Variants in NMRK1 observed in about 807,000 individuals in gnomAD.
The protein encoded by NMRK1 is NRK 1.
A neutral mutation model predicts 29.9 loss-of-function variants in NMRK1; 28 were observed. That is an observed-to-expected ratio of 0.94 (90% CI 0.69 to 1.28). The LOEUF (loss-of-function observed/expected upper bound fraction) is 1.28. NMRK1 is among the 50% of genes most tolerant of loss of function. The probability of loss-of-function intolerance (pLI) is 0.00; values close to 1 mark genes in which losing one functional copy is unlikely to be tolerated. For synonymous variants in NMRK1, 58 were observed against 73.0 expected, an observed-to-expected ratio of 0.79 and a Z score of 1.05; for missense variants, 218 against 233.1, an observed-to-expected ratio of 0.94 and a Z score of 0.42.
At chr9:75,068,195 T>C (rs1035497992) in intron 7 of NMRK1, among the ~76,000 whole-genome samples, 1 of 152,102 alleles carries the variant, frequency 6.6e-6, no homozygotes, top group African/African-American at 2.4e-5. Flanking sequence ...GCGTCCAACA[T>C]CACACCCTAT....
chr9:75,081,933 TGAA>T (rs1347124845), intron 2 of NMRK1, among the ~76,000 whole-genome samples: 1 of 152,154 alleles, frequency 6.6e-6, no homozygotes, highest in Non-Finnish European at 1.5e-5. Context: ...TGAACCCAAA[TGAA>T]AGACACATAA....
intron 2 of NMRK1, among the ~76,000 whole-genome samples, chr9:75,081,025 C>G (rs1222785764): frequency 6.6e-6 from 1 of 152,182 alleles, no homozygotes; most frequent in African/African-American, 2.4e-5. Flanking sequence ...GACAAATGGA[C>G]TAACACACCC....
chr9:75,070,187 G>T (rs929515848), intron 4 of NMRK1, 145 bp from the exon 5 acceptor site: 2 of 601,118 alleles, frequency 3.3e-6, no homozygotes, highest in Admixed American at 3.5e-5. Context: ...AAATAATTTA[G>T]ATAACATGTG....
Position 75,069,818 on chromosome 9 carries a change from A to T in NMRK1, c.318-5T>A. On this transcript the variant is annotated splice_polypyrimidine_tract_variant and splice_region_variant and intron_variant, in intron 5 of 8. Transcript: ENST00000361092. ...TTCCATATAGTGTCAAGGGGCCTAA[A>T]ATAACAGCATACTTAGTTCACAAGG... The T allele has an allele frequency of 6.2e-7, 1 of 1,612,722 alleles. No homozygotes were observed. Among genetic ancestry groups the T allele is most frequent in the Non-Finnish European group, 8.5e-7 (1 of 1,179,394 alleles).
intron 8 of NMRK1, among the ~76,000 whole-genome samples, chr9:75,063,614 C>T (rs1823167715): frequency 6.6e-6 from 1 of 152,014 alleles, no homozygotes; most frequent in African/African-American, 2.4e-5. Flanking sequence ...TTTCTTGTTT[C>T]CCCTTCATTA....
intron 2 of NMRK1, among the ~76,000 whole-genome samples, chr9:75,079,476 C>T (rs751043738): frequency 5.3e-5 from 8 of 152,164 alleles, no homozygotes; most frequent in Admixed American, 1.3e-4. Context: ...GTTAAGATCA[C>T]GCAGTCAAAC....
rs767630339 is a variant in NMRK1 at position 75,066,078 on chromosome 9, G to T, written c.580+679C>A. On this transcript the variant is annotated intron_variant, in intron 8 of 8. Coordinates refer to ENST00000361092, the MANE Select transcript of NMRK1 (RefSeq NM_017881.3). ...GTTCCTTAACCCATTAATGTTGGAG[G>T]TTGCAAATTATTTTTGTGAAAAACG... 7.9e-5 allele frequency among the ~76,000 whole-genome samples: 12 copies of T among 152,244 alleles called. No homozygotes were observed. The South Asian group carries it at 1.4e-3, about 18-fold the overall frequency.
chr9:75,061,884 C>T (rs772714380), intron 8 of NMRK1, among the ~76,000 whole-genome samples: 1 of 152,120 alleles, frequency 6.6e-6, no homozygotes, highest in Admixed American at 6.6e-5. Context: ...GCAGTATAAT[C>T]CTTGTTTTGG....
chr9:75,061,325 A>G lies in NMRK1; in HGVS notation c.*223T>C. The G allele has an allele frequency of 2.0e-6, 1 of 504,326 alleles. No individual in the cohort carries two copies. Among genetic ancestry groups the G allele is most frequent in the Non-Finnish European group, 3.5e-6 (1 of 286,304 alleles). The allele number at this position is 504,326 out of a possible 1,614,324, so 31.2% of individuals were successfully genotyped here. On this transcript the variant is annotated 3_prime_UTR_variant, in exon 9 of 9. Coordinates refer to ENST00000361092, the MANE Select transcript of NMRK1 (RefSeq NM_017881.3). ...ACTCACTGTGAGCTCTGCTGTATCT[A>G]TGCGCTCCCTGGAGAGGGAGCAACT...
At chr9:75,070,968 T>G (rs1823662916) in intron 4 of NMRK1, among the ~76,000 whole-genome samples, 1 of 152,130 alleles carries the variant, frequency 6.6e-6, no homozygotes, top group Admixed American at 6.5e-5. Context: ...GTATTTGTAA[T>G]CTGTTCCTTC....
chr9:75,068,937 T>C, intron 7 of NMRK1, 59 bp downstream of exon 7: 1 of 1,186,212 alleles, frequency 8.4e-7, no homozygotes, highest in Non-Finnish European at 1.3e-6. Context: ...CTTTCTTTTC[T>C]ATACTTTGAG....
In NMRK1 at chr9:75,078,947, C is replaced by A. The variant is rs550031049; in HGVS notation, c.30-1367G>T. Reference sequence around the variant, plus strand: ...ATAACCAATTTCTTTTGTATTCCTGCATTTTATTTTGTACACTTAAAACTA... The same window carrying A: ...ATAACCAATTTCTTTTGTATTCCTGAATTTTATTTTGTACACTTAAAACTA... On this transcript the variant is annotated intron_variant, in intron 2 of 8. Coordinates refer to ENST00000361092, the MANE Select transcript of NMRK1 (RefSeq NM_017881.3). Among the ~76,000 whole-genome samples the A allele has an allele frequency of 5.9e-5, 9 of 152,206 alleles. No homozygotes were observed. In the South Asian group the frequency reaches 1.7e-3, roughly 28 times the overall value.
intron 2 of NMRK1, among the ~76,000 whole-genome samples, chr9:75,079,146 T>C (rs759650167): frequency 6.6e-6 from 1 of 152,214 alleles, no homozygotes; most frequent in Non-Finnish European, 1.5e-5. Context: ...AAATGGCTTG[T>C]ATATAACTCA....
At chr9:75,076,289 C>T (rs1823982851) in intron 4 of NMRK1, among the ~76,000 whole-genome samples, 1 of 152,044 alleles carries the variant, frequency 6.6e-6, no homozygotes, top group Non-Finnish European at 1.5e-5. Flanking sequence ...ATGGATGGAA[C>T]GGGAGGCCAT....
chr9:75,087,542 A>G (rs1038226047), intron 1 of NMRK1: 1 of 152,136 alleles, frequency 6.6e-6, no homozygotes, highest in Non-Finnish European at 1.5e-5. Flanking sequence ...CGGACACTGA[A>G]ATCGTAATTT....
At chr9:75,068,749 C>A (rs570764773) in intron 7 of NMRK1, among the ~76,000 whole-genome samples, 6 of 152,162 alleles carry the variant, frequency 3.9e-5, no homozygotes, top group Non-Finnish European at 8.8e-5. Context: ...CTGCCTCATT[C>A]CCCTCACCAT....
intron 4 of NMRK1, among the ~76,000 whole-genome samples, chr9:75,072,208 G>A (rs1221082952): frequency 1.3e-5 from 2 of 152,152 alleles, no homozygotes; most frequent in African/African-American, 4.8e-5. Context: ...GAGGCAAAAA[G>A]AAAACCCATG....
At chr9:75,083,190 C>G in intron 1 of NMRK1, 40 bp from the exon 2 acceptor site, 4 of 1,016,388 alleles carry the variant, frequency 3.9e-6, no homozygotes, top group Non-Finnish European at 6.2e-6. Context: ...AAATGCATTT[C>G]ATTTAGATGT....
At chr9:75,067,852 A>C (rs1209472472) in intron 7 of NMRK1, among the ~76,000 whole-genome samples, 1 of 152,214 alleles carries the variant, frequency 6.6e-6, no homozygotes, top group East Asian at 1.9e-4. Context: ...CAGGCTTCTC[A>C]CAACACAGAC....
Sources: gnomAD v4.1 joint callset for allele counts (sites outside exome capture counted in the v4.1 genomes callset) on GRCh38, gnomAD v4.1.1 for gene constraint, MANE v1.5 for transcripts, NCBI Gene and HGNC (gene_info 2026-07-23, HGNC 2026-07-21) for gene names.